GABRB2: variants seen among roughly 807,000 people sequenced by gnomAD.
The protein encoded by GABRB2 is gamma-aminobutyric acid type A receptor subunit beta2.
In GABRB2, 16 loss-of-function variants were observed where a neutral mutation model predicts 54.7. The ratio of observed to expected loss-of-function variants is 0.29; its 90% CI spans 0.20 to 0.44. The LOEUF is 0.44. Among genes scored for constraint, GABRB2 ranks in the 20% least tolerant of loss-of-function variants. GABRB2 has a pLI of 1.00. For missense variants in GABRB2, 355 were observed against 644.0 expected, an observed-to-expected ratio of 0.55 and a Z score of 4.86; for synonymous variants, 244 against 233.8, an observed-to-expected ratio of 1.04 and a Z score of -0.40.
intron 3 of GABRB2, 86 bp downstream of exon 3, chr5:161,545,141 C>T (rs746671314): frequency 3.0e-6 from 3 of 984,770 alleles, no homozygotes; most frequent in Non-Finnish European, 4.6e-6. Flanking sequence ...GCCAAGCACA[C>T]CCCCACCCCC....
At chr5:161,404,765 C>T (rs1217647017) in intron 5 of GABRB2, among the ~76,000 whole-genome samples, 1 of 152,116 alleles carries the variant, frequency 6.6e-6, no homozygotes, top group African/African-American at 2.4e-5. Context: ...TTTTCCTAAA[C>T]AGCATTGCTC....
At chr5:161,493,487 T>C (rs1479646100) in intron 3 of GABRB2, among the ~76,000 whole-genome samples, 1 of 151,692 alleles carries the variant, frequency 6.6e-6, no homozygotes, top group Non-Finnish European at 1.5e-5. Context: ...CCTTTTTATA[T>C]GCTAGGTTTC....
At chr5:161,387,281 G>T (rs1444699320) in intron 5 of GABRB2, among the ~76,000 whole-genome samples, 1 of 152,044 alleles carries the variant, frequency 6.6e-6, no homozygotes, top group Admixed American at 6.6e-5. Flanking sequence ...TTGGTATAAT[G>T]TGGGGCTTCC....
intron 5 of GABRB2, among the ~76,000 whole-genome samples, chr5:161,407,174 AG>A (rs1466256240): frequency 6.6e-6 from 1 of 152,112 alleles, no homozygotes; most frequent in African/African-American, 2.4e-5. Context: ...AGACTAGATA[AG>A]GCAGCTTTTC....
At chr5:161,521,831 G>A (rs1478051771) in intron 3 of GABRB2, among the ~76,000 whole-genome samples, 1 of 151,820 alleles carries the variant, frequency 6.6e-6, no homozygotes. Flanking sequence ...ATAAATCTCT[G>A]CCTCAACAAA....
chr5:161,390,363 G>A (rs1755782321), intron 5 of GABRB2, among the ~76,000 whole-genome samples: 1 of 152,016 alleles, frequency 6.6e-6, no homozygotes, highest in South Asian at 2.1e-4. Context: ...CTTTGGAATA[G>A]TACTGGCTCT....
At chr5:161,488,594 T>C (rs1431904301) in intron 3 of GABRB2, among the ~76,000 whole-genome samples, 1 of 151,808 alleles carries the variant, frequency 6.6e-6, no homozygotes, top group African/African-American at 2.4e-5. Context: ...TTTAAAGAAA[T>C]CTCCCAGTTA....
intron 4 of GABRB2, among the ~76,000 whole-genome samples, chr5:161,429,207 C>T (rs1757097914): frequency 6.6e-6 from 1 of 150,864 alleles, no homozygotes; most frequent in South Asian, 2.1e-4. Flanking sequence ...ATTAGCTGGG[C>T]ATGGTGATGC....
intron 6 of GABRB2, among the ~76,000 whole-genome samples, chr5:161,335,815 T>C (rs1236957024): frequency 6.6e-6 from 1 of 152,178 alleles, no homozygotes; most frequent in African/African-American, 2.4e-5. Flanking sequence ...AAAGGCATTG[T>C]ATTTTTATCA....
At chr5:161,301,319 T>G (rs1435308609) in intron 9 of GABRB2, among the ~76,000 whole-genome samples, 1 of 152,176 alleles carries the variant, frequency 6.6e-6, no homozygotes, top group Non-Finnish European at 1.5e-5. Flanking sequence ...AAATCGAGTT[T>G]CCACACCAGC....
intron 5 of GABRB2, among the ~76,000 whole-genome samples, chr5:161,339,958 A>G (rs1396880035): frequency 6.6e-6 from 1 of 151,208 alleles, no homozygotes; most frequent in Admixed American, 6.6e-5. Context: ...AGAAATGTCC[A>G]TTTTTTTTTA....
At position 161,516,960 on chromosome 5, in the gene GABRB2, A is replaced by G. The variant is rs114967818; in HGVS notation, c.237+28267T>C. Among the ~76,000 whole-genome samples, 740 of 152,276 alleles carry G rather than the reference A, an allele frequency of 4.9e-3. 9 individuals carry two copies. Among genetic ancestry groups the G allele is most frequent in the African/African-American group, 0.017 (717 of 41,548 alleles). ...CTAGTAACAACTTATACTTTACTTC[A>G]GAGAGTTAGCAAACATCTCACTTCT... On this transcript the variant is annotated intron_variant, in intron 3 of 9. Transcript: ENST00000393959.
At chr5:161,343,532 CA>C (rs1754233743) in intron 5 of GABRB2, among the ~76,000 whole-genome samples, 1 of 151,990 alleles carries the variant, frequency 6.6e-6, no homozygotes, top group African/African-American at 2.4e-5. Flanking sequence ...TGTATGGGAG[CA>C]AGGTGATCTG....
chr5:161,456,906 G>A (rs979282259), intron 4 of GABRB2, among the ~76,000 whole-genome samples: 27 of 152,224 alleles, frequency 1.8e-4, no homozygotes, highest in African/African-American at 5.8e-4. Context: ...AGAATCAACT[G>A]TAACAATAGA....
chr5:161,486,839 G>C (rs1003006450), intron 3 of GABRB2, among the ~76,000 whole-genome samples: 2 of 151,914 alleles, frequency 1.3e-5, no homozygotes, highest in African/African-American at 4.8e-5. Flanking sequence ...TCATTGTGAT[G>C]AACTACCTCA....
chr5:161,331,739 G>C (rs1753850483), intron 7 of GABRB2, among the ~76,000 whole-genome samples: 1 of 152,066 alleles, frequency 6.6e-6, no homozygotes, highest in African/African-American at 2.4e-5. Flanking sequence ...AGAGCCTAAT[G>C]GGGGAGTTTG....
intron 5 of GABRB2, among the ~76,000 whole-genome samples, chr5:161,404,123 A>T (rs1334164658): frequency 1.3e-5 from 2 of 152,164 alleles, no homozygotes; most frequent in Non-Finnish European, 2.9e-5. Flanking sequence ...ATCCACAGGA[A>T]ATGTCAGAGG....
At position 161,545,326 on chromosome 5, in the gene GABRB2, C is replaced by A. The variant is rs760956448; in HGVS notation, c.170-32G>T. Reference sequence around the variant, plus strand: ...AGCAAGACGGCCAGCCACGTGATTTCTTTGAACTTCATTCATTCTCAGCAA... The same window carrying A: ...AGCAAGACGGCCAGCCACGTGATTTATTTGAACTTCATTCATTCTCAGCAA... On this transcript the variant is annotated intron_variant, in intron 2 of 9. Transcript: ENST00000393959. 17 of 1,552,330 alleles carry A rather than the reference C, an allele frequency of 1.1e-5. No individual in the cohort carries two copies. The East Asian group carries it at 3.7e-4, about 34-fold the overall frequency.
intron 9 of GABRB2, among the ~76,000 whole-genome samples, chr5:161,314,388 T>C (rs1391138142): frequency 6.6e-6 from 1 of 152,148 alleles, no homozygotes; most frequent in African/African-American, 2.4e-5. Context: ...AAGAGACAGC[T>C]TGTTTATTGC....
Sources: gnomAD v4.1 joint callset for allele counts (sites outside exome capture counted in the v4.1 genomes callset) on GRCh38, gnomAD v4.1.1 for gene constraint, MANE v1.5 for transcripts, NCBI Gene and HGNC (gene_info 2026-07-23, HGNC 2026-07-21) for gene names.